Variants in CLVS1 observed in about 807,000 individuals in gnomAD.
CLVS1 encodes the protein clavesin-1.
In CLVS1, 10 loss-of-function variants were observed where a neutral mutation model predicts 33.1. The observed-to-expected ratio is 0.30, with a 90% CI of 0.19 to 0.51. CLVS1 has a LOEUF of 0.51. Among genes scored for constraint, CLVS1 ranks in the 20% least tolerant of loss-of-function variants. CLVS1 has a pLI of 0.97. For missense variants in CLVS1, 343 were observed against 433.4 expected, an observed-to-expected ratio of 0.79 and a Z score of 1.85; for synonymous variants, 163 against 166.1, an observed-to-expected ratio of 0.98 and a Z score of 0.14.
intron 5 of CLVS1, among the ~76,000 whole-genome samples, chr8:61,495,484 G>T (rs920234390): frequency 2.0e-5 from 3 of 152,190 alleles, no homozygotes; most frequent in African/African-American, 7.2e-5. Flanking sequence ...CCAAAACAGG[G>T]AAAGGGGAAG....
the CLVS1 span, among the ~76,000 whole-genome samples, chr8:61,051,511 C>T: frequency 3.3e-5 from 5 of 152,324 alleles, no homozygotes; most frequent in East Asian, 7.7e-4. Flanking sequence ...GGGGAGGATG[C>T]CCTCCTGGGC....
rs191525621 is a variant in CLVS1 at position 61,409,199 on chromosome 8, A to G, written c.630+32420A>G. On this transcript the variant is annotated intron_variant, in intron 3 of 5. Coordinates refer to ENST00000325897, the MANE Select transcript of CLVS1 (RefSeq NM_173519.3). ...AATAGGTAATCCATTCACAAGGCAT[A>G]TAAATCAAAATGATATAAAGAGGTA... Among the ~76,000 whole-genome samples, 43 of 152,362 alleles carry G rather than the reference A, an allele frequency of 2.8e-4. 1 individual carries two copies. Among genetic ancestry groups the G allele is most frequent in the Admixed American group, 2.5e-3 (38 of 15,304 alleles).
chr8:61,229,364 A>G (rs1239234912), intron 2 of CLVS1, among the ~76,000 whole-genome samples: 1 of 152,206 alleles, frequency 6.6e-6, no homozygotes, highest in Non-Finnish European at 1.5e-5. Context: ...TGCTCATGCC[A>G]AATGCTTTAC....
At chr8:61,431,033 G>A (rs1816092989) in intron 3 of CLVS1, among the ~76,000 whole-genome samples, 1 of 152,188 alleles carries the variant, frequency 6.6e-6, no homozygotes, top group African/African-American at 2.4e-5. Flanking sequence ...CCCTAGAACT[G>A]TATGACTTTC....
chr8:61,200,223 A>G (rs1039413629), intron 2 of CLVS1, among the ~76,000 whole-genome samples: 12 of 152,116 alleles, frequency 7.9e-5, no homozygotes, highest in Non-Finnish European at 1.6e-4. Flanking sequence ...AGTTCAAGCA[A>G]TTCTCCCACC....
rs574660833 is a variant in CLVS1 at position 61,202,854 on chromosome 8, AGAAGATGATGATGAT to A, written c.-152+71012_-152+71026del. The A allele has an allele frequency of 2.3e-4, 228 of 980,214 alleles. No individual in the cohort carries two copies. The African/African-American group carries it at 3.5e-3, about 15-fold the overall frequency. The allele number at this position is 980,214 out of a possible 1,614,324, so 60.7% of individuals were successfully genotyped here. On this transcript the variant is annotated intron_variant, in intron 2 of 2. Coordinates refer to the CLVS1 transcript ENST00000522621. ...CTGATGAAGATGATGATGATGATGA[AGAAGATGATGATGAT>A]GAAGATGATGATGATGATTTTAATG...
At chr8:61,101,428 G>C (rs1014969425) in intron 1 of CLVS1, among the ~76,000 whole-genome samples, 10 of 152,224 alleles carry the variant, frequency 6.6e-5, no homozygotes, top group Admixed American at 2.6e-4. Context: ...CTGGAAAAAT[G>C]TCTATTCAGA....
At chr8:61,263,483 A>G (rs1390197908) in intron 2 of CLVS1, among the ~76,000 whole-genome samples, 1 of 152,234 alleles carries the variant, frequency 6.6e-6, no homozygotes, top group Non-Finnish European at 1.5e-5. Flanking sequence ...AAGGCTGCTC[A>G]GTTCCTGTCT....
intron 2 of CLVS1, among the ~76,000 whole-genome samples, chr8:61,376,096 A>C (rs968134890): frequency 6.6e-6 from 1 of 152,236 alleles, no homozygotes; most frequent in Admixed American, 6.5e-5. Flanking sequence ...CAATGGCATG[A>C]ATGTTTCTAC....
intron 2 of CLVS1, among the ~76,000 whole-genome samples, chr8:61,313,334 G>A (rs1810904075): frequency 6.6e-6 from 1 of 152,146 alleles, no homozygotes; most frequent in South Asian, 2.1e-4. Context: ...AACCTCAGTT[G>A]ATTCCAGTGA....
intron 2 of CLVS1, among the ~76,000 whole-genome samples, chr8:61,201,448 A>G (rs898352701): frequency 8.5e-5 from 13 of 152,228 alleles, no homozygotes; most frequent in Non-Finnish European, 1.5e-4. Flanking sequence ...TTGATAAAAA[A>G]CAAAAACAAA....
At chr8:61,033,034 A>G in the CLVS1 span, among the ~76,000 whole-genome samples, 1 of 120,160 alleles carries the variant, frequency 8.3e-6, no homozygotes, top group African/African-American at 3.2e-5. Flanking sequence ...AGAAAGAAAG[A>G]AAGAAAGAAA....
intron 1 of CLVS1, among the ~76,000 whole-genome samples, chr8:61,289,654 T>C (rs1413452360): frequency 6.6e-5 from 10 of 152,204 alleles, no homozygotes; most frequent in Non-Finnish European, 1.3e-4. Flanking sequence ...GATTTTAAAA[T>C]TGTCGTTGTG....
At chr8:61,460,004 C>T (rs1050425112) in intron 5 of CLVS1, among the ~76,000 whole-genome samples, 2 of 152,052 alleles carry the variant, frequency 1.3e-5, no homozygotes, top group Non-Finnish European at 2.9e-5. Context: ...GGACACCAGT[C>T]GTATTGAATT....
chr8:61,198,773 G>A (rs1233183013), intron 2 of CLVS1, among the ~76,000 whole-genome samples: 3 of 152,076 alleles, frequency 2.0e-5, no homozygotes, highest in Non-Finnish European at 2.9e-5. Flanking sequence ...GTATGTCTTT[G>A]CATACCCATA....
At chr8:61,371,544 A>C (rs1487551944) in intron 2 of CLVS1, among the ~76,000 whole-genome samples, 3 of 152,194 alleles carry the variant, frequency 2.0e-5, no homozygotes, top group Admixed American at 6.5e-5. Flanking sequence ...CTTCTAAAAA[A>C]AAATGTCTCC....
chr8:61,300,424 G>A, intron 2 of CLVS1, 142 bp downstream of exon 2: 1 of 719,274 alleles, frequency 1.4e-6, no homozygotes, highest in South Asian at 2.0e-5. Context: ...TAGGCCACAG[G>A]TGTGCTGTCT....
rs547237669 is a variant in CLVS1 at position 61,406,621 on chromosome 8, G to T, written c.630+29842G>T. Among the ~76,000 whole-genome samples, 6 of 148,584 alleles carry T rather than the reference G, an allele frequency of 4.0e-5. No individual in the cohort carries two copies. In the East Asian group the frequency reaches 5.8e-4, roughly 14 times the overall value. On this transcript the variant is annotated intron_variant, in intron 3 of 5. Coordinates refer to ENST00000325897, the MANE Select transcript of CLVS1 (RefSeq NM_173519.3). ...TGACATAGATTTGTTTTTTTTGTGG[G>T]GGGGGGGATGGAGTCTTGCTCTGTC...
chr8:61,429,423 A>AG (rs1235409666), intron 3 of CLVS1, among the ~76,000 whole-genome samples: 2 of 147,206 alleles, frequency 1.4e-5, no homozygotes, highest in Non-Finnish European at 3.0e-5. Context: ...CTGTCTTAAA[A>AG]AAAAAAAAAA....
Sources: gnomAD v4.1 joint callset for allele counts (sites outside exome capture counted in the v4.1 genomes callset) on GRCh38, gnomAD v4.1.1 for gene constraint, MANE v1.5 for transcripts, NCBI Gene and HGNC (gene_info 2026-07-23, HGNC 2026-07-21) for gene names.